IFT140: variants seen among roughly 807,000 people sequenced by gnomAD.
IFT140 encodes intraflagellar transport protein 140 homolog.
In IFT140, 133 loss-of-function variants were observed where a neutral mutation model predicts 164.6. The ratio of observed to expected loss-of-function variants is 0.81; its 90% CI spans 0.70 to 0.93. The LOEUF (loss-of-function observed/expected upper bound fraction) is 0.93, where lower values mean the gene tolerates loss of function less well. Ranked by LOEUF, IFT140 falls within the 40% of genes least tolerant of loss-of-function variation. The pLI, the probability that IFT140 is intolerant of heterozygous loss-of-function variation, is 0.00. For missense variants in IFT140, 2,045 were observed against 1,972.3 expected (o/e 1.04, Z -0.70); for synonymous variants, 860 against 817.3 (o/e 1.05, Z -0.89).
chr16:1,539,828 T>C (rs1411901578), intron 19 of IFT140, among the ~76,000 whole-genome samples: 2 of 152,164 alleles, frequency 1.3e-5, no homozygotes, highest in African/African-American at 4.8e-5. Flanking sequence ...CATGGTGCCA[T>C]GTGCTGGCTG....
intron 19 of IFT140, among the ~76,000 whole-genome samples, chr16:1,547,138 C>T (rs2032243410): frequency 6.6e-6 from 1 of 152,230 alleles, no homozygotes; most frequent in African/African-American, 2.4e-5. Context: ...TTCCCACTCC[C>T]CATTACCTTG....
intron 19 of IFT140, chr16:1,542,124 C>T: frequency 6.6e-7 from 1 of 1,513,774 alleles, no homozygotes; most frequent in South Asian, 1.3e-5. Context: ...CCCCTGTGGC[C>T]TTCTGGTGCC....
At chr16:1,580,600 C>T (rs1417906746) in intron 13 of IFT140, 159 bp downstream of exon 13, 3 of 557,554 alleles carry the variant, frequency 5.4e-6, no homozygotes, top group Non-Finnish European at 9.6e-6. Flanking sequence ...GTCAACAAAG[C>T]CTCTTTTCTT....
chr16:1,562,322 G>A (rs1352411162), intron 17 of IFT140, among the ~76,000 whole-genome samples: 1 of 152,016 alleles, frequency 6.6e-6, no homozygotes, highest in Admixed American at 6.6e-5. Flanking sequence ...CTGGAAGGAC[G>A]CACCTCGTCC....
intron 17 of IFT140, among the ~76,000 whole-genome samples, chr16:1,562,566 G>A (rs750394433): frequency 6.6e-6 from 1 of 152,204 alleles, no homozygotes; most frequent in Non-Finnish European, 1.5e-5. Context: ...GAGGTCAGGA[G>A]TTTGAGACCA....
intron 26 of IFT140, among the ~76,000 whole-genome samples, chr16:1,521,411 G>A (rs2040523112): frequency 1.3e-5 from 2 of 150,492 alleles, no homozygotes; most frequent in South Asian, 4.2e-4. Context: ...TTTCTGAGGT[G>A]GGGTTTTGCT....
At chr16:1,547,456 C>T (rs1269080453) in intron 19 of IFT140, among the ~76,000 whole-genome samples, 2 of 152,324 alleles carry the variant, frequency 1.3e-5, no homozygotes, top group South Asian at 2.1e-4. Context: ...AGAAAGTCTG[C>T]TGTTCTCTTA....
chr16:1,533,819 C>T lies in IFT140; in HGVS notation c.2400-7023G>A, dbSNP rs569068553. The T allele has an allele frequency of 1.4e-5, 3 of 218,082 alleles. No homozygotes were observed. The highest frequency in any genetic ancestry group is 1.8e-4 in the East Asian group (1 of 5,552). 13.5% of individuals were successfully genotyped at this position (218,082 alleles called of 1,614,324 possible). A position where few individuals can be genotyped will look rare whatever the true frequency, so the allele number is the denominator to read the frequency against. On this transcript the variant is annotated intron_variant, in intron 19 of 30. Coordinates refer to ENST00000426508, the MANE Select transcript of IFT140 (RefSeq NM_014714.4). The surrounding 1 kb of genome is among the most constrained non-coding windows in gnomAD (Gnocchi z 4.7). ...GAGGAGCTGTGAACCCGCTCCACAC[C>T]GGCCACCCTGCCCGGAGCCTGGCAC...
chr16:1,570,315 G>C (rs1286939992), intron 14 of IFT140, among the ~76,000 whole-genome samples: 1 of 152,136 alleles, frequency 6.6e-6, no homozygotes, highest in Non-Finnish European at 1.5e-5. Flanking sequence ...ACAGACCTAC[G>C]ATTCTGTGTA....
chr16:1,592,141 T>G lies in IFT140; in HGVS notation c.634+35A>C, dbSNP rs756101480. 5.5e-5 allele frequency: 89 copies of G among 1,612,782 alleles called. No homozygotes were observed. In the East Asian group the frequency reaches 1.9e-3, roughly 34 times the overall value. On this transcript the variant is annotated intron_variant, in intron 6 of 30. Transcript: ENST00000426508. ...TCCCTACCAGACACCCCTAAAATGC[T>G]AGGACCCCTGAGAATCACAACCAAA...
rs766316995 is a variant in IFT140 at position 1,524,836 on chromosome 16, C to G, written c.2945G>C (p.Arg982Pro). Reference sequence around the variant, plus strand: ...GATGCGGACCAGGGAGAAGTGGTCCCGGGCCAGCTCGTAGTAGTGCAGCGC... The same window carrying G: ...GATGCGGACCAGGGAGAAGTGGTCCGGGGCCAGCTCGTAGTAGTGCAGCGC... ...DAALHYYELA[R>P]DHFSLVRIHC... Residue 982 changes from arginine (R) to proline (P), a missense_variant, in exon 23 of 31, where the codon CGG (arginine) becomes CCG (proline). Transcript: ENST00000426508. 1 of 1,612,964 alleles carries G rather than the reference C, an allele frequency of 6.2e-7. No homozygotes were observed. The highest frequency in any genetic ancestry group is 8.5e-7 in the Non-Finnish European group (1 of 1,179,402).
intron 6 of IFT140, among the ~76,000 whole-genome samples, chr16:1,591,167 C>G (rs551351347): frequency 2.0e-5 from 3 of 152,354 alleles, no homozygotes; most frequent in African/African-American, 4.8e-5. Context: ...GCCACCAGAG[C>G]CAGGCTCCTC....
chr16:1,610,434 C>A (rs554304667), intron 2 of IFT140: 49 of 154,654 alleles, frequency 3.2e-4, no homozygotes, highest in African/African-American at 1.1e-3. Context: ...AGCCGCGATT[C>A]GAGGCCGGGC....
rs1244410065 is a variant in IFT140 at position 1,510,959 on chromosome 16, T to C, written c.4374A>G (p.Ala1458=). ...CCCAGGCCCCTCAGGGGTCGTCATCTGCCTCTTCCACCACCTCCTCGTCCA... is the reference window on the plus strand; with the variant it reads ...CCCAGGCCCCTCAGGGGTCGTCATCCGCCTCTTCCACCACCTCCTCGTCCA... ...RELDEEVVEE[A]DDDP Residue 1458 remains alanine (A), a synonymous_variant, in exon 31 of 31, where the codon GCA becomes GCG. Coordinates refer to ENST00000426508, the MANE Select transcript of IFT140 (RefSeq NM_014714.4). The C allele has an allele frequency of 1.2e-6, 2 of 1,611,932 alleles. No individual in the cohort carries two copies. Among genetic ancestry groups the C allele is most frequent in the African/African-American group, 2.7e-5 (2 of 74,892 alleles).
At chr16:1,514,882 A>G (rs1402926510) in intron 30 of IFT140, among the ~76,000 whole-genome samples, 1 of 152,210 alleles carries the variant, frequency 6.6e-6, no homozygotes, top group Non-Finnish European at 1.5e-5. Context: ...TATAAAATAT[A>G]TTTTAAACAA....
At chr16:1,543,576 GACTAA>G (rs916303589) in intron 19 of IFT140, among the ~76,000 whole-genome samples, 27 of 152,370 alleles carry the variant, frequency 1.8e-4, no homozygotes, top group African/African-American at 5.5e-4. Flanking sequence ...TCAGGCAGAT[GACTAA>G]ACTAACGTGA....
intron 19 of IFT140, among the ~76,000 whole-genome samples, chr16:1,557,198 G>C (rs992075225): frequency 9.9e-5 from 15 of 152,210 alleles, no homozygotes; most frequent in African/African-American, 3.6e-4. Context: ...TAATCCAGAG[G>C]GGCCGGGCGG....
intron 19 of IFT140, among the ~76,000 whole-genome samples, chr16:1,556,824 C>G (rs769275319): frequency 2.0e-5 from 3 of 152,090 alleles, no homozygotes; most frequent in Non-Finnish European, 2.9e-5. Flanking sequence ...GTTTTGTTTT[C>G]TTTTGGACGG....
chr16:1,594,594 G>C (rs986896071), intron 4 of IFT140, among the ~76,000 whole-genome samples: 1 of 152,212 alleles, frequency 6.6e-6, no homozygotes, highest in African/African-American at 2.4e-5. Flanking sequence ...CTGGAGAATG[G>C]GGTAAGAAGT....
Sources: gnomAD v4.1 joint callset for allele counts (sites outside exome capture counted in the v4.1 genomes callset) on GRCh38, gnomAD v4.1.1 for gene constraint, Gnocchi (gnomAD v3.1) non-coding constraint, MANE v1.5 for transcripts, NCBI Gene and HGNC (gene_info 2026-07-23, HGNC 2026-07-21) for gene names.